RADIL: variants seen among roughly 807,000 people sequenced by gnomAD.
RADIL encodes Rap associating with DIL domain.
Under a neutral mutation model 97.6 loss-of-function variants are expected in RADIL, and 99 were observed. The ratio of observed to expected loss-of-function variants is 1.01; its 90% CI spans 0.86 to 1.20. The LOEUF (loss-of-function observed/expected upper bound fraction) is 1.20, where lower values mean the gene tolerates loss of function less well. Among genes scored for constraint, RADIL ranks in the 50% most tolerant of loss-of-function variants. The pLI, the probability that RADIL is intolerant of heterozygous loss-of-function variation, is 0.00. For missense variants in RADIL, 1,765 were observed against 1,498.9 expected (o/e 1.18, Z -2.93); for synonymous variants, 803 against 691.8 (o/e 1.16, Z -2.52).
At position 4,837,614 on chromosome 7, in the gene RADIL, C is replaced by G. The variant is rs569882380; in HGVS notation, c.536-1009G>C. On this transcript the variant is annotated intron_variant, in intron 2 of 14. Transcript: ENST00000399583. The surrounding 1 kb of genome is among the most constrained non-coding windows in gnomAD (Gnocchi z 5.6). ...CCACACAAAAATGCACACACACATG[C>G]ACACACATGCACCCAAAAACACACA... is the stretch of plus-strand genomic sequence containing the variant. 6.6e-6 allele frequency among the ~76,000 whole-genome samples: 1 copy of G among 151,634 alleles called. No homozygotes were observed. The highest frequency in any genetic ancestry group is 2.1e-4 in the South Asian group (1 of 4,820).
Position 4,800,330 on chromosome 7 carries a change from G to T in RADIL, c.2843-20C>A. 1 of 1,430,408 alleles carries T rather than the reference G, an allele frequency of 7.0e-7. No individual in the cohort carries two copies. The highest frequency in any genetic ancestry group is 9.2e-7 in the Non-Finnish European group (1 of 1,091,652). The allele number at this position is 1,430,408 out of a possible 1,614,324, so 88.6% of individuals were successfully genotyped here. ...AGTCTCCTGGGTGGGGGCCAGGAAA[G>T]GTGGGTGGGAGTGAGGCGCCAGGAA... On this transcript the variant is annotated intron_variant, in intron 12 of 14. Transcript: ENST00000399583.
intron 2 of RADIL, chr7:4,860,566 T>C (rs1783961143): frequency 6.2e-7 from 1 of 1,614,124 alleles, no homozygotes; most frequent in African/African-American, 1.3e-5. Context: ...GATTCACATG[T>C]GCCAGTGTAA....
At position 4,878,179 on chromosome 7, in the gene RADIL, C is replaced by T; in HGVS notation, c.-40G>A. Reference sequence around the variant, plus strand: ...CATGGATGAGGACTGTGGGCTTCAGCCAAAGGATGTGGGGAGGCCGTGACC... The same window carrying T: ...CATGGATGAGGACTGTGGGCTTCAGTCAAAGGATGTGGGGAGGCCGTGACC... On this transcript the variant is annotated 5_prime_UTR_variant, in exon 2 of 15. Coordinates refer to ENST00000399583, the MANE Select transcript of RADIL (RefSeq NM_018059.5). The surrounding 1 kb of genome is among the most constrained non-coding windows in gnomAD (Gnocchi z 4.1). 1 of 1,484,360 alleles carries T rather than the reference C, an allele frequency of 6.7e-7. No homozygotes were observed. Among genetic ancestry groups the T allele is most frequent in the Non-Finnish European group, 8.9e-7 (1 of 1,118,176 alleles). The allele number at this position is 1,484,360 out of a possible 1,614,324, so 91.9% of individuals were successfully genotyped here.
At chr7:4,839,866 C>T (rs907289531) in intron 2 of RADIL, among the ~76,000 whole-genome samples, 1 of 152,034 alleles carries the variant, frequency 6.6e-6, no homozygotes, top group Non-Finnish European at 1.5e-5. Flanking sequence ...CCTGCCTCAG[C>T]CTCCCAAGTA....
At position 4,806,746 on chromosome 7, in the gene RADIL, G is replaced by A. The variant is rs145492119; in HGVS notation, c.2140-1030C>T. On this transcript the variant is annotated intron_variant, in intron 9 of 14. Transcript: ENST00000399583. Reference sequence around the variant, plus strand: ...AGGAAACCCACTGCCCTGCGTGCTGGAACTGTCTTCACCTCCACCCTGGAC... The same window carrying A: ...AGGAAACCCACTGCCCTGCGTGCTGAAACTGTCTTCACCTCCACCCTGGAC... 4.0e-3 allele frequency among the ~76,000 whole-genome samples: 608 copies of A among 152,314 alleles called. 1 individual carries two copies. The highest frequency in any genetic ancestry group is 0.014 in the African/African-American group (567 of 41,566).
rs1029845999 is a variant in RADIL at position 4,824,574 on chromosome 7, G to A, written c.1455-2020C>T. Among the ~76,000 whole-genome samples the A allele has an allele frequency of 7.2e-5, 11 of 152,170 alleles. No individual in the cohort carries two copies. The highest frequency in any genetic ancestry group is 2.4e-4 in the African/African-American group (10 of 41,428). On this transcript the variant is annotated intron_variant, in intron 5 of 14. Coordinates refer to ENST00000399583, the MANE Select transcript of RADIL (RefSeq NM_018059.5). The surrounding 1 kb of genome is among the most constrained non-coding windows in gnomAD (Gnocchi z 6.7). ...CAAAGTGTTGCCTGCTCTCTCTGAC[G>A]TCACTTCACTTTTGTCCACAAACAA... is the stretch of plus-strand genomic sequence containing the variant.
chr7:4,820,197 C>T (rs555534616), intron 6 of RADIL, among the ~76,000 whole-genome samples: 44 of 152,304 alleles, frequency 2.9e-4, no homozygotes, highest in African/African-American at 8.4e-4. Context: ...CTTGGCCGGC[C>T]GCAACTCCGG....
chr7:4,809,141 G>C (rs916505645), intron 9 of RADIL: 8 of 985,034 alleles, frequency 8.1e-6, no homozygotes, highest in Non-Finnish European at 9.6e-6. Context: ...CCTCAGCGTG[G>C]GGTGGCCCGG....
At chr7:4,801,259 G>A (rs1056954667) in intron 12 of RADIL, among the ~76,000 whole-genome samples, 1 of 152,262 alleles carries the variant, frequency 6.6e-6, no homozygotes, top group South Asian at 2.1e-4. Context: ...CAAGCACACA[G>A]GCACACACAG....
chr7:4,815,570 T>A lies in RADIL; in HGVS notation c.1967-120A>T. 1 of 1,119,282 alleles carries A rather than the reference T, an allele frequency of 8.9e-7. No individual in the cohort carries two copies. Among genetic ancestry groups the A allele is most frequent in the Non-Finnish European group, 1.2e-6 (1 of 816,796 alleles). 69.3% of individuals were successfully genotyped at this position (1,119,282 alleles called of 1,614,324 possible). A position where few individuals can be genotyped will look rare whatever the true frequency, so the allele number is the denominator to read the frequency against. ...GGCCACTGAGGACATCACAGCTCGA[T>A]GACAGGCAGGACACCTTCCCTCGGT... On this transcript the variant is annotated intron_variant, in intron 8 of 14. Coordinates refer to ENST00000399583, the MANE Select transcript of RADIL (RefSeq NM_018059.5). The surrounding 1 kb of genome is among the most constrained non-coding windows in gnomAD (Gnocchi z 8.0).
Position 4,818,421 on chromosome 7 carries a change from G to A in RADIL, c.1616-1070C>T, listed in dbSNP as rs1025353484. On this transcript the variant is annotated intron_variant, in intron 6 of 14. Transcript: ENST00000399583. This position sits in a 1 kb window ranked among gnomAD's most constrained non-coding sequence, Gnocchi z 7.1. ...CGCTCCTGGTGCTCCTCCTTCAGGG[G>A]CTTGGGGCTGCCTGGCCCCCACCCA... Among the ~76,000 whole-genome samples, 3 of 152,342 alleles carry A rather than the reference G, an allele frequency of 2.0e-5. No individual in the cohort carries two copies. In the East Asian group the frequency reaches 5.8e-4, roughly 29 times the overall value.
chr7:4,856,664 A>C (rs112132308), intron 2 of RADIL, among the ~76,000 whole-genome samples: 3 of 152,340 alleles, frequency 2.0e-5, no homozygotes, highest in African/African-American at 7.2e-5. Context: ...TGGTGAGAGA[A>C]CATGTCCTAT....
intron 9 of RADIL, among the ~76,000 whole-genome samples, chr7:4,812,250 ATTCTTT>A (rs1325584705): frequency 6.6e-6 from 1 of 152,186 alleles, no homozygotes; most frequent in African/African-American, 2.4e-5. Context: ...TTCAATAAGT[ATTCTTT>A]TTCTTATTTG....
intron 2 of RADIL, among the ~76,000 whole-genome samples, chr7:4,845,532 A>G (rs1783545393): frequency 6.6e-6 from 1 of 152,234 alleles, no homozygotes; most frequent in Non-Finnish European, 1.5e-5. Flanking sequence ...ACCAGAATGA[A>G]AAGCACCAAA....
chr7:4,804,160 A>C (rs1036675566), intron 10 of RADIL: 16 of 297,718 alleles, frequency 5.4e-5, no homozygotes, highest in Non-Finnish European at 1.3e-5. Flanking sequence ...CCCTGCAGGA[A>C]TCACGGGACC....
intron 2 of RADIL, among the ~76,000 whole-genome samples, chr7:4,864,936 A>G (rs1308610227): frequency 6.6e-6 from 1 of 152,208 alleles, no homozygotes; most frequent in African/African-American, 2.4e-5. Context: ...TCCAAAATAC[A>G]TAACAAGCCA....
At chr7:4,832,069 G>C in intron 5 of RADIL, 72 bp downstream of exon 5, 2 of 1,539,476 alleles carry the variant, frequency 1.3e-6, no homozygotes, top group Non-Finnish European at 1.8e-6. Flanking sequence ...CTCGGGACTT[G>C]GCTCCCCCGG....
chr7:4,849,347 A>G lies in RADIL; in HGVS notation c.536-12742T>C, dbSNP rs1219699886. Among the ~76,000 whole-genome samples, 1 of 152,216 alleles carries G rather than the reference A, an allele frequency of 6.6e-6. No homozygotes were observed. The highest frequency in any genetic ancestry group is 1.9e-4 in the East Asian group (1 of 5,204). On this transcript the variant is annotated intron_variant, in intron 2 of 14. Coordinates refer to ENST00000399583, the MANE Select transcript of RADIL (RefSeq NM_018059.5). The surrounding 1 kb of genome is among the most constrained non-coding windows in gnomAD (Gnocchi z 5.4). ...TAAGTAAAAATATTTAAGTGTACAT[A>G]GTTTTCATTCTACTGCAAGAATGAA...
Position 4,872,706 on chromosome 7 carries a change from G to A in RADIL, c.535+4899C>T, listed in dbSNP as rs1431106426. 2.0e-5 allele frequency among the ~76,000 whole-genome samples: 3 copies of A among 152,146 alleles called. No homozygotes were observed. The highest frequency in any genetic ancestry group is 4.4e-5 in the Non-Finnish European group (3 of 68,032). ...AAATCAGGGGGAACCTGGTGGCTAT[G>A]AGAAGGAGACATTTATGGAAAACAA... On this transcript the variant is annotated intron_variant, in intron 2 of 14. Coordinates refer to ENST00000399583, the MANE Select transcript of RADIL (RefSeq NM_018059.5). The surrounding 1 kb of genome is among the most constrained non-coding windows in gnomAD (Gnocchi z 5.8).
Sources: gnomAD v4.1 joint callset for allele counts (sites outside exome capture counted in the v4.1 genomes callset) on GRCh38, gnomAD v4.1.1 for gene constraint, Gnocchi (gnomAD v3.1) non-coding constraint, MANE v1.5 for transcripts, NCBI Gene and HGNC (gene_info 2026-07-23, HGNC 2026-07-21) for gene names.